Variants in PDE3B observed in about 807,000 individuals in gnomAD.
The protein encoded by PDE3B is phosphodiesterase 3B, also known as cGMP-inhibited 3',5'-cyclic phosphodiesterase 3B.
PDE3B carries 66 observed loss-of-function variants against 116.8 expected under a neutral mutation model. That is an observed-to-expected ratio of 0.56 (90% CI 0.46 to 0.69). The LOEUF (loss-of-function observed/expected upper bound fraction) is 0.69, where lower values mean the gene tolerates loss of function less well. Among genes scored for constraint, PDE3B ranks in the 30% least tolerant of loss-of-function variants. The probability of loss-of-function intolerance (pLI) is 0.00; values close to 1 mark genes in which losing one functional copy is unlikely to be tolerated. For synonymous variants in PDE3B, 595 were observed against 533.6 expected, an observed-to-expected ratio of 1.12 and a Z score of -1.59; for missense variants, 1,384 against 1,368.1, an observed-to-expected ratio of 1.01 and a Z score of -0.18.
chr11:14,695,940 G>A (rs1235563445), intron 1 of PDE3B, among the ~76,000 whole-genome samples: 1 of 152,062 alleles, frequency 6.6e-6, no homozygotes, highest in African/African-American at 2.4e-5. Flanking sequence ...TTGATTCCAT[G>A]TCTTTGCTAT....
At chr11:14,789,008 A>C in intron 3 of PDE3B, 98 bp from the exon 4 acceptor site, 1 of 813,566 alleles carries the variant, frequency 1.2e-6, no homozygotes, top group Non-Finnish European at 1.9e-6. Flanking sequence ...CATGTTAAAA[A>C]TATACTTTGT....
intron 7 of PDE3B, among the ~76,000 whole-genome samples, chr11:14,821,313 C>T (rs941928778): frequency 1.1e-4 from 16 of 152,296 alleles, no homozygotes; most frequent in African/African-American, 3.9e-4. Flanking sequence ...GTTATCAGAG[C>T]AGTCATGAGG....
intron 1 of PDE3B, among the ~76,000 whole-genome samples, chr11:14,650,317 C>T (rs533474304): frequency 3.3e-5 from 5 of 152,132 alleles, no homozygotes; most frequent in Non-Finnish European, 7.4e-5. Flanking sequence ...AATCCTCCCA[C>T]CTCAGCCTCC....
At chr11:14,818,969 A>C (rs944626441) in intron 6 of PDE3B, among the ~76,000 whole-genome samples, 167 bp from the exon 7 acceptor site, 5 of 152,316 alleles carry the variant, frequency 3.3e-5, no homozygotes, top group African/African-American at 1.2e-4. Flanking sequence ...TCAAGGACAC[A>C]CAGATACTTT....
At chr11:14,835,140 TA>T in intron 11 of PDE3B, 45 bp downstream of exon 11, 1 of 1,209,576 alleles carries the variant, frequency 8.3e-7, no homozygotes, top group South Asian at 1.3e-5. Flanking sequence ...TCAGGAATAG[TA>T]AATCAAGCTT....
chr11:14,778,097 A>C (rs1049264182), intron 2 of PDE3B, among the ~76,000 whole-genome samples: 1 of 152,178 alleles, frequency 6.6e-6, no homozygotes, highest in East Asian at 1.9e-4. Context: ...TGGAACTGCA[A>C]AGCAGCAGCG....
chr11:14,735,958 T>TGTGTGTG (rs1554987382), intron 1 of PDE3B, among the ~76,000 whole-genome samples: 2 of 142,926 alleles, frequency 1.4e-5, no homozygotes, highest in African/African-American at 2.6e-5. Flanking sequence ...GAATAATAGG[T>TGTGTGTG]TGTGTGTGTG....
chr11:14,846,154 T>G (rs1847597027), intron 12 of PDE3B, among the ~76,000 whole-genome samples: 1 of 152,180 alleles, frequency 6.6e-6, no homozygotes, highest in South Asian at 2.1e-4. Flanking sequence ...GCAGAAACTC[T>G]ACAAGCCAGA....
chr11:14,747,201 T>A (rs1159835305), intron 1 of PDE3B, among the ~76,000 whole-genome samples: 1 of 152,156 alleles, frequency 6.6e-6, no homozygotes, highest in Non-Finnish European at 1.5e-5. Flanking sequence ...TCATGAAGGA[T>A]CCAGCCCCAT....
intron 1 of PDE3B, among the ~76,000 whole-genome samples, chr11:14,680,815 G>A (rs1854682180): frequency 6.7e-6 from 1 of 149,114 alleles, no homozygotes; most frequent in South Asian, 2.1e-4. Flanking sequence ...TTTTACTGTT[G>A]AGTCTTCCAA....
intron 1 of PDE3B, among the ~76,000 whole-genome samples, chr11:14,712,193 C>G (rs565050125): frequency 6.6e-6 from 1 of 152,264 alleles, no homozygotes; most frequent in East Asian, 1.9e-4. Context: ...TCAAGCTGTC[C>G]TCCTGCCTCA....
chr11:14,651,241 A>C (rs1413867259), intron 1 of PDE3B, among the ~76,000 whole-genome samples: 2 of 152,118 alleles, frequency 1.3e-5, no homozygotes, highest in Non-Finnish European at 2.9e-5. Flanking sequence ...TTCGCATGGC[A>C]TTCTCCCTGT....
At chr11:14,862,868 G>A (rs1312077301) in intron 14 of PDE3B, among the ~76,000 whole-genome samples, 6 of 152,074 alleles carry the variant, frequency 3.9e-5, no homozygotes, top group Non-Finnish European at 7.4e-5. Context: ...CACTGTGCCC[G>A]GCTGTTCTTA....
At position 14,831,808 on chromosome 11, in the gene PDE3B, T is replaced by G. The variant is rs759474307; in HGVS notation, c.2094+31T>G. On this transcript the variant is annotated intron_variant, in intron 9 of 15. Transcript: ENST00000282096. ...CTTTCAAATATCTACTTTTTAACTG[T>G]AAATTAATTTTTCTTAAATCTTTAT... is the stretch of plus-strand genomic sequence containing the variant. The G allele has an allele frequency of 1.2e-5, 18 of 1,527,556 alleles. No individual in the cohort carries two copies. The Admixed American group carries it at 3.4e-4, about 29-fold the overall frequency. The allele number at this position is 1,527,556 out of a possible 1,614,324, so 94.6% of individuals were successfully genotyped here.
At chr11:14,834,128 T>G (rs954274264) in intron 10 of PDE3B, among the ~76,000 whole-genome samples, 1 of 152,216 alleles carries the variant, frequency 6.6e-6, no homozygotes, top group African/African-American at 2.4e-5. Flanking sequence ...GATTTATTAA[T>G]AATAATTAAG....
At chr11:14,724,555 C>T (rs765289712) in intron 1 of PDE3B, among the ~76,000 whole-genome samples, 5 of 152,184 alleles carry the variant, frequency 3.3e-5, no homozygotes, top group South Asian at 4.2e-4. Context: ...TTTGGATTAG[C>T]GTTGCTCAGC....
chr11:14,683,474 T>C lies in PDE3B; in HGVS notation c.978+38421T>C, dbSNP rs1196280706. On this transcript the variant is annotated intron_variant, in intron 1 of 15. Transcript: ENST00000282096. ...GAATTTATGTGTAAAGTGTTATTTG[T>C]AGTGTTATTTTATTATCCTTTTAAT... 2.0e-5 allele frequency among the ~76,000 whole-genome samples: 3 copies of C among 152,140 alleles called. No individual in the cohort carries two copies. In the East Asian group the frequency reaches 5.8e-4, roughly 29 times the overall value.
chr11:14,739,202 C>G (rs1380188909), intron 1 of PDE3B, among the ~76,000 whole-genome samples: 1 of 152,108 alleles, frequency 6.6e-6, no homozygotes, highest in African/African-American at 2.4e-5. Flanking sequence ...ACAGTATGGC[C>G]CTTTTCACAA....
At chr11:14,824,082 AC>A (rs1859610830) in intron 7 of PDE3B, among the ~76,000 whole-genome samples, 1 of 152,176 alleles carries the variant, frequency 6.6e-6, no homozygotes, top group South Asian at 2.1e-4. Context: ...ACTGTTCTCC[AC>A]GTAGGTCCTG....
Sources: gnomAD v4.1 joint callset for allele counts (sites outside exome capture counted in the v4.1 genomes callset) on GRCh38, gnomAD v4.1.1 for gene constraint, MANE v1.5 for transcripts, NCBI Gene and HGNC (gene_info 2026-07-23, HGNC 2026-07-21) for gene names.